The following GSDME variants were observed in gnomAD, a reference collection of about 807,000 sequenced individuals.
GSDME encodes the protein gasdermin E, also known as gasdermin-E.
Under a neutral mutation model 47.5 loss-of-function variants are expected in GSDME, and 44 were observed. The observed-to-expected ratio is 0.93, with a 90% CI of 0.73 to 1.19. The LOEUF (loss-of-function observed/expected upper bound fraction) is 1.19, where lower values mean the gene tolerates loss of function less well. GSDME is among the 50% of genes most tolerant of loss of function. GSDME has a pLI of 0.00. For synonymous variants in GSDME, 258 were observed against 252.8 expected, an observed-to-expected ratio of 1.02 and a Z score of -0.20; for missense variants, 663 against 604.2, an observed-to-expected ratio of 1.10 and a Z score of -1.02.
At chr7:24,752,775 T>C (rs916991099) in intron 1 of GSDME, among the ~76,000 whole-genome samples, 4 of 152,252 alleles carry the variant, frequency 2.6e-5, no homozygotes, top group African/African-American at 4.8e-5. Flanking sequence ...TCCACTGTTA[T>C]GGCTTCTAAT....
At chr7:24,774,814 A>G in the GSDME span, among the ~76,000 whole-genome samples, 1 of 152,196 alleles carries the variant, frequency 6.6e-6, no homozygotes, top group Non-Finnish European at 1.5e-5. Flanking sequence ...TACAGGTGTG[A>G]GCCACTGCAC....
intron 7 of GSDME, 110 bp from the exon 8 acceptor site, chr7:24,706,486 G>C (rs192820331): frequency 9.4e-7 from 1 of 1,067,980 alleles, no homozygotes; most frequent in Non-Finnish European, 1.4e-6. Context: ...CTCCCCCGAG[G>C]AAAGTACGAC....
At chr7:24,771,699 G>A in the GSDME span, among the ~76,000 whole-genome samples, 1 of 152,142 alleles carries the variant, frequency 6.6e-6, no homozygotes, top group Non-Finnish European at 1.5e-5. The surrounding 1 kb of genome is among the most constrained non-coding windows in gnomAD (Gnocchi z 4.1). Flanking sequence ...ACTGTCCTGG[G>A]AGGGCTTACT....
At chr7:24,770,715 CCAA>C in the GSDME span, among the ~76,000 whole-genome samples, 1 of 151,146 alleles carries the variant, frequency 6.6e-6, no homozygotes, top group East Asian at 1.9e-4. The surrounding 1 kb of genome is among the most constrained non-coding windows in gnomAD (Gnocchi z 4.6). Context: ...TATGAAAGAA[CCAA>C]AAAATGCTAG....
intron 3 of GSDME, among the ~76,000 whole-genome samples, chr7:24,729,744 G>A (rs986344380): frequency 6.6e-6 from 1 of 152,232 alleles, no homozygotes; most frequent in African/African-American, 2.4e-5. Context: ...GGCAACTGGT[G>A]AGAGATTAGG....
At chr7:24,768,106 TC>T in the GSDME span, among the ~76,000 whole-genome samples, 880 of 152,326 alleles carry the variant, frequency 5.8e-3, 10 homozygotes, top group African/African-American at 0.019. This position sits in a 1 kb window ranked among gnomAD's most constrained non-coding sequence, Gnocchi z 5.6. Context: ...GCACAGTCCC[TC>T]TACTTCTCTG....
At chr7:24,709,655 A>G (rs577354033) in intron 6 of GSDME, among the ~76,000 whole-genome samples, 3 of 152,256 alleles carry the variant, frequency 2.0e-5, no homozygotes, top group Admixed American at 6.5e-5. Flanking sequence ...CATCCCCGAC[A>G]AAAGAAACCA....
intron 7 of GSDME, 160 bp downstream of exon 7, chr7:24,707,967 C>T: frequency 1.2e-6 from 1 of 821,436 alleles, no homozygotes; most frequent in Non-Finnish European, 1.9e-6. Flanking sequence ...ATGCCAGCTA[C>T]CTGTCTGCAC....
intron 3 of GSDME, among the ~76,000 whole-genome samples, chr7:24,727,707 C>T (rs1411159333): frequency 1.3e-5 from 2 of 152,192 alleles, no homozygotes; most frequent in Admixed American, 6.5e-5. Flanking sequence ...CTCTTGATAA[C>T]CAACCTCCTC....
intron 5 of GSDME, among the ~76,000 whole-genome samples, chr7:24,713,540 G>C (rs1789436416): frequency 6.6e-6 from 1 of 152,240 alleles, no homozygotes; most frequent in Non-Finnish European, 1.5e-5. Flanking sequence ...AGCACGCCCA[G>C]AGAGAGGCGC....
intron 7 of GSDME, 102 bp downstream of exon 7, chr7:24,708,025 G>T: frequency 6.9e-7 from 1 of 1,458,942 alleles, no homozygotes. Flanking sequence ...GCTGTAGGGA[G>T]AAAAGGAGGC....
At chr7:24,738,837 T>C (rs1790393125) in intron 3 of GSDME, among the ~76,000 whole-genome samples, 1 of 152,158 alleles carries the variant, frequency 6.6e-6, no homozygotes, top group African/African-American at 2.4e-5. Flanking sequence ...CATACATTTA[T>C]GTTGAACTCA....
chr7:24,702,694 A>C, intron 9 of GSDME, 66 bp downstream of exon 9: 1 of 1,360,436 alleles, frequency 7.4e-7, no homozygotes. Flanking sequence ...CGGCTGCTGG[A>C]TGTCTACCCC....
chr7:24,710,056 C>G (rs908648357), intron 6 of GSDME, among the ~76,000 whole-genome samples, 168 bp downstream of exon 6: 1 of 152,118 alleles, frequency 6.6e-6, no homozygotes, highest in Non-Finnish European at 1.5e-5. Flanking sequence ...AAGATCCAAC[C>G]GAGGTGAGTC....
At position 24,749,728 on chromosome 7, in the gene GSDME, T is replaced by C; in HGVS notation, c.47A>G (p.Asp16Gly). 6.2e-7 allele frequency: 1 copy of C among 1,614,210 alleles called. No homozygotes were observed. The highest frequency in any genetic ancestry group is 8.5e-7 in the Non-Finnish European group (1 of 1,180,030). ...ATTTGATACTGCAATCAGGTCACCA[T>C]CAGCATCAACTTCTCTAAGAAAATT... ...TRNFLREVDADGDLIAVSNLN... is the reference protein window; with the variant it reads ...TRNFLREVDAGGDLIAVSNLN... Residue 16 changes from aspartate (D) to glycine (G), a missense_variant, in exon 2 of 10, where the codon GAT becomes GGT. Physicochemically the swap from Asp to Gly is moderately conservative, Grantham distance 94. Transcript: ENST00000645220.
chr7:24,779,920 C>T, the GSDME span, among the ~76,000 whole-genome samples: 3 of 152,238 alleles, frequency 2.0e-5, no homozygotes, highest in Non-Finnish European at 4.4e-5. This position sits in a 1 kb window ranked among gnomAD's most constrained non-coding sequence, Gnocchi z 6.0. Context: ...ATCTCATTGG[C>T]CAGAACTTTA....
intron 3 of GSDME, among the ~76,000 whole-genome samples, chr7:24,723,007 C>T (rs1051578142): frequency 6.6e-6 from 1 of 152,218 alleles, no homozygotes; most frequent in East Asian, 1.9e-4. Context: ...ACAGCTCATG[C>T]AGGCCACTGG....
At chr7:24,709,603 C>A (rs1197286096) in intron 6 of GSDME, among the ~76,000 whole-genome samples, 1 of 152,038 alleles carries the variant, frequency 6.6e-6, no homozygotes, top group Non-Finnish European at 1.5e-5. Flanking sequence ...CTATTTGTTT[C>A]TCCTTTTCCT....
chr7:24,766,618 A>G, the GSDME span, among the ~76,000 whole-genome samples: 3 of 152,148 alleles, frequency 2.0e-5, no homozygotes, highest in African/African-American at 7.2e-5. This position sits in a 1 kb window ranked among gnomAD's most constrained non-coding sequence, Gnocchi z 4.2. Flanking sequence ...CCATGTCCCC[A>G]CAAAGGACAT....
Sources: allele counts gnomAD v4.1 joint callset (sites outside exome capture counted in the v4.1 genomes callset), GRCh38; gene constraint gnomAD v4.1.1; non-coding constraint Gnocchi (gnomAD v3.1); transcripts MANE v1.5; gene names NCBI Gene and HGNC (gene_info 2026-07-23, HGNC 2026-07-21).